The following SAMD3 variants were observed in gnomAD, a reference collection of about 807,000 sequenced individuals.
The protein encoded by SAMD3 is sterile alpha motif domain containing 3, also known as sterile alpha motif domain-containing protein 3.
Under a neutral mutation model 58.5 loss-of-function variants are expected in SAMD3, and 63 were observed. That is an observed-to-expected ratio of 1.08 (90% CI 0.88 to 1.33). The LOEUF (loss-of-function observed/expected upper bound fraction) is 1.33, where lower values mean the gene tolerates loss of function less well. Ranked by LOEUF, SAMD3 falls within the 40% of genes most tolerant of loss-of-function variation. The pLI is 0.00. For missense variants in SAMD3, 604 were observed against 608.4 expected (o/e 0.99, Z 0.08); for synonymous variants, 220 against 210.3 (o/e 1.05, Z -0.40).
At chr6:130,175,690 G>A in intron 8 of SAMD3, 151 bp downstream of exon 8, 1 of 488,238 alleles carries the variant, frequency 2.0e-6, no homozygotes, top group Non-Finnish European at 3.5e-6. Context: ...TGTTAGCCAG[G>A]CAAAACAGAC....
At chr6:130,297,834 A>G (rs578060364) in intron 2 of SAMD3, among the ~76,000 whole-genome samples, 1 of 152,352 alleles carries the variant, frequency 6.6e-6, no homozygotes, top group Non-Finnish European at 1.5e-5. Context: ...ACAAAAATCA[A>G]GAAAACAGAA....
intron 1 of SAMD3, among the ~76,000 whole-genome samples, chr6:130,318,936 TGTTA>T (rs1776488377): frequency 6.6e-6 from 1 of 152,282 alleles, no homozygotes; most frequent in South Asian, 2.1e-4. Flanking sequence ...AAGATTGAAC[TGTTA>T]GTTATAGATA....
intron 2 of SAMD3, among the ~76,000 whole-genome samples, chr6:130,235,062 T>C (rs62431207): frequency 0.14 from 21,527 of 151,978 alleles, 1,713 homozygotes; most frequent in East Asian, 0.36. Context: ...CTGCTGTGAG[T>C]GGTGATTGTG....
chr6:130,318,219 C>T (rs532339990), intron 1 of SAMD3, among the ~76,000 whole-genome samples: 5 of 152,156 alleles, frequency 3.3e-5, no homozygotes, highest in African/African-American at 7.2e-5. Context: ...AAGAATTTTG[C>T]CTCATTAGTA....
chr6:130,216,664 G>C (rs1796021022), intron 1 of SAMD3, 48 bp from the exon 2 acceptor site: 1 of 152,170 alleles, frequency 6.6e-6, no homozygotes, highest in African/African-American at 2.4e-5. Flanking sequence ...AATCATAAGT[G>C]TTCACAAACA....
At chr6:130,326,604 G>A (rs1776769715) in intron 1 of SAMD3, among the ~76,000 whole-genome samples, 1 of 152,078 alleles carries the variant, frequency 6.6e-6, no homozygotes, top group Admixed American at 6.5e-5. Context: ...AAACATTGTA[G>A]TAATTTTAAT....
intron 5 of SAMD3, among the ~76,000 whole-genome samples, chr6:130,189,156 T>G (rs1457067154): frequency 6.6e-6 from 1 of 151,300 alleles, no homozygotes; most frequent in Non-Finnish European, 1.5e-5. Context: ...TTCTAGGAAC[T>G]GAATTGTGTT....
chr6:130,338,088 C>T (rs115111243), intron 1 of SAMD3, among the ~76,000 whole-genome samples: 183 of 152,316 alleles, frequency 1.2e-3, no homozygotes, highest in African/African-American at 4.2e-3. Context: ...GGGCTGGGCC[C>T]AGGGCCCCCG....
At chr6:130,212,915 A>G (rs563666023) in intron 4 of SAMD3, among the ~76,000 whole-genome samples, 1 of 152,320 alleles carries the variant, frequency 6.6e-6, no homozygotes, top group South Asian at 2.1e-4. Context: ...TGGGAACTTC[A>G]TCAAAAGTTA....
intron 2 of SAMD3, among the ~76,000 whole-genome samples, chr6:130,265,743 G>A (rs145150790): frequency 0.014 from 2,130 of 150,666 alleles, 49 homozygotes; most frequent in African/African-American, 0.049. Context: ...GCTCATAAAC[G>A]ATATGAGTAA....
chr6:130,170,879 G>T (rs569952432), intron 8 of SAMD3, among the ~76,000 whole-genome samples: 2 of 152,124 alleles, frequency 1.3e-5, no homozygotes, highest in East Asian at 3.9e-4. Context: ...CAATCATGTC[G>T]TCTGCAAACA....
chr6:130,344,393 T>G (rs1777375784), intron 1 of SAMD3, among the ~76,000 whole-genome samples: 2 of 152,188 alleles, frequency 1.3e-5, no homozygotes, highest in African/African-American at 4.8e-5. Flanking sequence ...GGCTTCTTTT[T>G]TTACGGGGGA....
At chr6:130,144,835 T>C (rs1044202028) in intron 11 of SAMD3, 31 bp from the exon 12 acceptor site, 6 of 1,569,472 alleles carry the variant, frequency 3.8e-6, no homozygotes, top group Non-Finnish European at 5.2e-6. Context: ...ATTACCATGA[T>C]ACGTAAAATA....
chr6:130,149,169 A>T (rs1398970223), intron 9 of SAMD3, among the ~76,000 whole-genome samples: 1 of 152,174 alleles, frequency 6.6e-6, no homozygotes, highest in Non-Finnish European at 1.5e-5. Flanking sequence ...CCTGGCTCCC[A>T]TTATATCTCA....
At chr6:130,156,500 C>A (rs77515831) in intron 8 of SAMD3, among the ~76,000 whole-genome samples, 1 of 152,062 alleles carries the variant, frequency 6.6e-6, no homozygotes, top group East Asian at 1.9e-4. Flanking sequence ...TTTATTATAC[C>A]TCAGAAACTC....
At chr6:130,219,305 A>ATT (rs368148617) in intron 1 of SAMD3, among the ~76,000 whole-genome samples, 19 of 151,260 alleles carry the variant, frequency 1.3e-4, no homozygotes, top group African/African-American at 4.6e-4. Context: ...TGAAACAGCC[A>ATT]TTTTTTTTAA....
intron 2 of SAMD3, among the ~76,000 whole-genome samples, chr6:130,248,553 A>G (rs137986793): frequency 1.3e-5 from 2 of 152,304 alleles, no homozygotes; most frequent in East Asian, 3.9e-4. Flanking sequence ...TTGCCACCCC[A>G]GGGATGCCAG....
intron 7 of SAMD3, among the ~76,000 whole-genome samples, chr6:130,180,953 C>CTTTCTTTTTTTTTTTTT (rs56707260): frequency 2.6e-5 from 3 of 117,394 alleles, no homozygotes; most frequent in Admixed American, 9.1e-5. Context: ...TTCTTTCTTT[C>CTTTCTTTTTTTTTTTTT]TTTTTTCTTT....
chr6:130,145,638 A>G (rs1788554048), intron 10 of SAMD3, among the ~76,000 whole-genome samples: 1 of 152,164 alleles, frequency 6.6e-6, no homozygotes, highest in South Asian at 2.1e-4. Context: ...AGAAGACAAG[A>G]GTTCTGTACT....
Sources: gnomAD v4.1 joint callset for allele counts (sites outside exome capture counted in the v4.1 genomes callset) on GRCh38, gnomAD v4.1.1 for gene constraint, MANE v1.5 for transcripts, NCBI Gene and HGNC (gene_info 2026-07-23, HGNC 2026-07-21) for gene names.